HPD: variants seen among roughly 807,000 people sequenced by gnomAD.
HPD encodes 4-hydroxyphenylpyruvic acid oxidase.
HPD carries 35 observed loss-of-function variants against 56.9 expected under a neutral mutation model. The ratio of observed to expected loss-of-function variants is 0.62; its 90% CI spans 0.47 to 0.82. HPD has a LOEUF of 0.82. Among genes scored for constraint, HPD ranks in the 40% least tolerant of loss-of-function variants. The pLI, the probability that HPD is intolerant of heterozygous loss-of-function variation, is 0.00. For missense variants in HPD, 442 were observed against 506.8 expected, an observed-to-expected ratio of 0.87 and a Z score of 1.23; for synonymous variants, 186 against 200.2, an observed-to-expected ratio of 0.93 and a Z score of 0.60.
At chr12:121,855,468 A>G (rs1272114653) in intron 6 of HPD, among the ~76,000 whole-genome samples, 1 of 152,222 alleles carries the variant, frequency 6.6e-6, no homozygotes, top group Non-Finnish European at 1.5e-5. Flanking sequence ...CTGTAATCCC[A>G]GCACTTTAGG....
At chr12:121,843,211 G>T (rs1450786795) in intron 12 of HPD, among the ~76,000 whole-genome samples, 2 of 152,200 alleles carry the variant, frequency 1.3e-5, no homozygotes, top group Non-Finnish European at 2.9e-5. Flanking sequence ...ACAAAATCCA[G>T]ATTCCTGAAT....
chr12:121,876,866 G>A, the HPD span, among the ~76,000 whole-genome samples: 1 of 152,010 alleles, frequency 6.6e-6, no homozygotes, highest in African/African-American at 2.4e-5. Flanking sequence ...GGCTGAAGTG[G>A]GAGGATCACT....
the HPD span, among the ~76,000 whole-genome samples, chr12:121,883,670 T>C: frequency 6.8e-6 from 1 of 146,428 alleles, no homozygotes; most frequent in African/African-American, 2.5e-5. Flanking sequence ...CAACTTTTCC[T>C]TTTCCTTCTT....
chr12:121,847,835 C>A (rs1877638161), intron 9 of HPD, among the ~76,000 whole-genome samples: 1 of 152,010 alleles, frequency 6.6e-6, no homozygotes, highest in Non-Finnish European at 1.5e-5. Flanking sequence ...CTGTGCCCGG[C>A]CGTATTTTTT....
chr12:121,850,001 G>A (rs1211185018), intron 7 of HPD: 8 of 578,074 alleles, frequency 1.4e-5, no homozygotes, highest in Admixed American at 4.7e-5. Context: ...ACACTGTTTT[G>A]CTCATGATGG....
At position 121,839,962 on chromosome 12, in the gene HPD, G is replaced by C. The variant is rs1328519238; in HGVS notation, c.1041C>G (p.Phe347Leu). ...TKPVQDRPTL[F>L]LEVIQRHNHQ... Reference sequence around the variant, plus strand: ...GGTTGTGGCGCTGGATGACTTCCAGGAAGAGCGTGGGCCGGTCCTGCACCG... The same window carrying C: ...GGTTGTGGCGCTGGATGACTTCCAGCAAGAGCGTGGGCCGGTCCTGCACCG... The change falls in exon 13 of 14, where the codon TTC becomes TTG. Residue 347 changes from phenylalanine (F) to leucine (L), a missense_variant. Physicochemically the swap from Phe to Leu is conservative, Grantham distance 22. Transcript: ENST00000289004. The C allele has an allele frequency of 6.2e-7, 1 of 1,613,976 alleles. No individual in the cohort carries two copies.
the HPD span, among the ~76,000 whole-genome samples, chr12:121,868,610 C>G: frequency 4.0e-5 from 6 of 151,618 alleles, no homozygotes; most frequent in South Asian, 1.3e-3. Flanking sequence ...GCCTCTGCCT[C>G]CCAGGTTCAA....
At chr12:121,846,995 C>G (rs1877607882) in intron 10 of HPD, 57 bp downstream of exon 10, 3 of 1,612,826 alleles carry the variant, frequency 1.9e-6, no homozygotes, top group Non-Finnish European at 2.5e-6. Context: ...CCTGACCCTA[C>G]AAGAGCCCCC....
the HPD span, among the ~76,000 whole-genome samples, chr12:121,886,243 G>C: frequency 6.6e-6 from 1 of 151,212 alleles, no homozygotes; most frequent in Non-Finnish European, 1.5e-5. Flanking sequence ...TGAGTAGCTG[G>C]GACTACAGGC....
At position 121,849,729 on chromosome 12, in the gene HPD, C is replaced by G; in HGVS notation, c.476G>C (p.Gly159Ala). 1 of 1,613,946 alleles carries G rather than the reference C, an allele frequency of 6.2e-7. No homozygotes were observed. Among genetic ancestry groups the G allele is most frequent in the Non-Finnish European group, 8.5e-7 (1 of 1,179,862 alleles). Residue 159 changes from glycine (G) to alanine (A), a missense_variant, in exon 8 of 14, where the codon GGA becomes GCA. Gly to Ala is a moderately conservative substitution (Grantham distance 60). Transcript: ENST00000289004. ...GTCCATGAACGCTGGGGCCTCATAT[C>G]CAGGCAAGAATTGGCCGATGTAGTT... is the stretch of plus-strand genomic sequence containing the variant. ...KMNYIGQFLP[G>A]YEAPAFMDPL...
chr12:121,872,229 A>G, the HPD span, among the ~76,000 whole-genome samples: 1 of 104,998 alleles, frequency 9.5e-6, no homozygotes, highest in Non-Finnish European at 2.0e-5. Context: ...ACAGAGCGAG[A>G]CTCCTCTCAA....
At chr12:121,843,611 G>T (rs994236140) in intron 12 of HPD, 99 bp downstream of exon 12, 22 of 1,390,714 alleles carry the variant, frequency 1.6e-5, no homozygotes, top group Middle Eastern at 2.4e-4. Context: ...GCAGGGACTT[G>T]GTCTGGGCTC....
At chr12:121,858,576 G>T (rs1592924653) in intron 2 of HPD, 111 bp downstream of exon 2, 1 of 1,077,550 alleles carries the variant, frequency 9.3e-7, no homozygotes, top group South Asian at 1.2e-5. Context: ...TGCACGTCAT[G>T]TATCCACTCC....
chr12:121,870,991 C>G, the HPD span, among the ~76,000 whole-genome samples: 1 of 152,070 alleles, frequency 6.6e-6, no homozygotes, highest in African/African-American at 2.4e-5. Context: ...GCTGGAAACC[C>G]AGCTGCCCAG....
upstream of HPD, among the ~76,000 whole-genome samples, chr12:121,860,837 T>C (rs1878154725): frequency 6.6e-6 from 1 of 151,940 alleles, no homozygotes; most frequent in Non-Finnish European, 1.5e-5. Context: ...GTCCAGGAGT[T>C]AAAGGTTGCA....
At chr12:121,855,838 C>T (rs557717463) in intron 6 of HPD, among the ~76,000 whole-genome samples, 2 of 152,016 alleles carry the variant, frequency 1.3e-5, no homozygotes, top group Admixed American at 6.6e-5. Flanking sequence ...GGCGTGGTGG[C>T]GCATGCCTGT....
the HPD span, among the ~76,000 whole-genome samples, chr12:121,873,121 T>C: frequency 6.6e-6 from 1 of 152,190 alleles, no homozygotes; most frequent in Non-Finnish European, 1.5e-5. Context: ...TGTTTGCATT[T>C]GCTGGCACAC....
the HPD span, among the ~76,000 whole-genome samples, chr12:121,871,556 G>T: frequency 6.6e-6 from 1 of 152,180 alleles, no homozygotes. Flanking sequence ...GACCAGAGCA[G>T]GTGAAGGCTG....
At chr12:121,881,256 T>G in the HPD span, among the ~76,000 whole-genome samples, 1 of 152,232 alleles carries the variant, frequency 6.6e-6, no homozygotes. Context: ...CTCTGCATCT[T>G]ACTTTTCCAA....
Sources: allele counts gnomAD v4.1 joint callset (sites outside exome capture counted in the v4.1 genomes callset), GRCh38; gene constraint gnomAD v4.1.1; transcripts MANE v1.5; gene names NCBI Gene and HGNC (gene_info 2026-07-23, HGNC 2026-07-21).